Variants in KPNA3 observed in about 807,000 individuals in gnomAD.
KPNA3 encodes importin subunit alpha-4.
In KPNA3, 13 loss-of-function variants were observed where a neutral mutation model predicts 73.8. The observed-to-expected ratio is 0.18, with a 90% CI of 0.11 to 0.28. KPNA3 has a LOEUF of 0.28. Ranked by LOEUF, KPNA3 falls within the 10% of genes least tolerant of loss-of-function variation. The pLI is 1.00. For missense variants in KPNA3, 360 were observed against 618.1 expected (o/e 0.58, Z 4.43); for synonymous variants, 186 against 206.9 (o/e 0.90, Z 0.87).
At chr13:49,751,284 A>G (rs368687799) in intron 1 of KPNA3, among the ~76,000 whole-genome samples, 7 of 152,222 alleles carry the variant, frequency 4.6e-5, no homozygotes, top group African/African-American at 1.4e-4. Flanking sequence ...CAAGAGACCA[A>G]TCCTGGAAGA....
chr13:49,782,997 A>G (rs1256223526), intron 1 of KPNA3, among the ~76,000 whole-genome samples: 3 of 152,218 alleles, frequency 2.0e-5, no homozygotes, highest in Non-Finnish European at 2.9e-5. Flanking sequence ...GAAAGCTGAT[A>G]GACCAAAAGC....
chr13:49,704,422 AT>A (rs1161766425), intron 15 of KPNA3, among the ~76,000 whole-genome samples: 2,493 of 116,988 alleles, frequency 0.021, 69 homozygotes, highest in South Asian at 0.073. Flanking sequence ...CAAAAAAAAA[AT>A]AAATAAATAA....
chr13:49,733,106 A>G, intron 2 of KPNA3, 60 bp from the exon 3 acceptor site: 1 of 1,015,226 alleles, frequency 9.9e-7, no homozygotes, highest in African/African-American at 1.6e-5. Context: ...TGAAAAATCC[A>G]TTAAAACTAC....
At chr13:49,747,567 C>G (rs901129722) in intron 1 of KPNA3, among the ~76,000 whole-genome samples, 43 of 152,278 alleles carry the variant, frequency 2.8e-4, no homozygotes, top group African/African-American at 1.0e-3. Context: ...CCCCTGTACT[C>G]CCAGCTACTC....
At chr13:49,786,140 A>C (rs1954980620) in intron 1 of KPNA3, among the ~76,000 whole-genome samples, 1 of 152,224 alleles carries the variant, frequency 6.6e-6, no homozygotes, top group African/African-American at 2.4e-5. Context: ...AGGGCTAGGC[A>C]ACAGTATCAA....
At chr13:49,769,550 G>A (rs757453185) in intron 1 of KPNA3, among the ~76,000 whole-genome samples, 1 of 152,188 alleles carries the variant, frequency 6.6e-6, no homozygotes, top group Non-Finnish European at 1.5e-5. Context: ...GGACTTTCAT[G>A]TCTGGCTTCT....
chr13:49,762,920 T>TA (rs374167946), intron 1 of KPNA3, among the ~76,000 whole-genome samples: 16 of 125,440 alleles, frequency 1.3e-4, no homozygotes, highest in Non-Finnish European at 1.6e-4. Context: ...AAGGCTGGCT[T>TA]AAAAAACAAA....
intron 1 of KPNA3, among the ~76,000 whole-genome samples, chr13:49,791,274 TACAAA>T (rs1203113832): frequency 6.6e-6 from 1 of 152,172 alleles, no homozygotes; most frequent in African/African-American, 2.4e-5. Context: ...TATCAAAAAT[TACAAA>T]ACTGCAAATC....
intron 9 of KPNA3, among the ~76,000 whole-genome samples, chr13:49,721,321 T>C (rs949578193): frequency 1.3e-5 from 2 of 152,234 alleles, no homozygotes; most frequent in Non-Finnish European, 2.9e-5. Context: ...CCCCCTTTTA[T>C]AGCTTTAAAC....
chr13:49,756,374 T>A (rs188216778), intron 1 of KPNA3, among the ~76,000 whole-genome samples: 1 of 152,118 alleles, frequency 6.6e-6, no homozygotes, highest in African/African-American at 2.4e-5. Context: ...AGACCATACA[T>A]AGCGAGACTC....
intron 2 of KPNA3, among the ~76,000 whole-genome samples, chr13:49,733,901 G>C (rs1954495231): frequency 6.6e-6 from 1 of 152,184 alleles, no homozygotes; most frequent in Admixed American, 6.5e-5. Context: ...CCTGTCAGCT[G>C]ACCAGAGACA....
At chr13:49,768,278 CAA>C (rs35217633) in intron 1 of KPNA3, among the ~76,000 whole-genome samples, 53 of 94,814 alleles carry the variant, frequency 5.6e-4, no homozygotes, top group African/African-American at 1.0e-3. Flanking sequence ...GACTCTGTCT[CAA>C]AAAAAAAAAA....
chr13:49,753,893 A>T (rs566281761), intron 1 of KPNA3, among the ~76,000 whole-genome samples: 1 of 152,348 alleles, frequency 6.6e-6, no homozygotes, highest in South Asian at 2.1e-4. Context: ...CCCTGGTGCC[A>T]TAAAGGTTGG....
intron 14 of KPNA3, 122 bp downstream of exon 14, chr13:49,705,976 A>T: frequency 9.3e-7 from 1 of 1,078,086 alleles, no homozygotes; most frequent in Non-Finnish European, 1.3e-6. Flanking sequence ...TCCATCTCTT[A>T]AAATAATAAT....
chr13:49,730,131 T>G (rs551231962), intron 6 of KPNA3, among the ~76,000 whole-genome samples: 1 of 152,298 alleles, frequency 6.6e-6, no homozygotes, highest in South Asian at 2.1e-4. Context: ...TTTTAGCATA[T>G]TTTTCTGTAT....
chr13:49,790,826 G>T (rs1955027020), intron 1 of KPNA3, among the ~76,000 whole-genome samples: 1 of 152,202 alleles, frequency 6.6e-6, no homozygotes, highest in African/African-American at 2.4e-5. Flanking sequence ...ACCAATATCC[G>T]AGAGAAGAAT....
intron 1 of KPNA3, among the ~76,000 whole-genome samples, chr13:49,752,889 T>C (rs965297437): frequency 5.3e-5 from 8 of 151,518 alleles, no homozygotes; most frequent in African/African-American, 1.9e-4. Context: ...TAGCCGGGCA[T>C]GGTGGCGGGC....
intron 1 of KPNA3, among the ~76,000 whole-genome samples, chr13:49,756,524 T>G (rs935313697): frequency 2.1e-4 from 32 of 152,186 alleles, no homozygotes; most frequent in African/African-American, 6.8e-4. Flanking sequence ...ACCACTGCAC[T>G]CCAGCCTCAG....
intron 1 of KPNA3, among the ~76,000 whole-genome samples, chr13:49,786,245 G>C (rs1356159365): frequency 2.0e-5 from 3 of 152,118 alleles, no homozygotes; most frequent in Non-Finnish European, 4.4e-5. Flanking sequence ...ATATCATCTA[G>C]TCTCTCTTCT....
Sources: gnomAD v4.1 joint callset for allele counts (sites outside exome capture counted in the v4.1 genomes callset) on GRCh38, gnomAD v4.1.1 for gene constraint, MANE v1.5 for transcripts, NCBI Gene and HGNC (gene_info 2026-07-23, HGNC 2026-07-21) for gene names.